The following PTPRZ1 variants were observed in gnomAD, a reference collection of about 807,000 sequenced individuals.
The protein encoded by PTPRZ1 is protein tyrosine phosphatase receptor type Z1.
PTPRZ1 carries 82 observed loss-of-function variants against 214.1 expected under a neutral mutation model. The ratio of observed to expected loss-of-function variants is 0.38; its 90% CI spans 0.32 to 0.46. The LOEUF is 0.46. Among genes scored for constraint, PTPRZ1 ranks in the 20% least tolerant of loss-of-function variants. The pLI is 1.00. For missense variants in PTPRZ1, 2,603 were observed against 2,748.7 expected, an observed-to-expected ratio of 0.95 and a Z score of 1.19; for synonymous variants, 945 against 987.9, an observed-to-expected ratio of 0.96 and a Z score of 0.81.
chr7:121,946,988 CAT>C (rs920477680), intron 2 of PTPRZ1, among the ~76,000 whole-genome samples: 7 of 152,056 alleles, frequency 4.6e-5, no homozygotes, highest in South Asian at 2.1e-4. Context: ...GTAAAGGCAA[CAT>C]GTGTTACTGA....
chr7:122,013,995 C>A (rs961735841), intron 12 of PTPRZ1, 106 bp downstream of exon 12: 1 of 944,794 alleles, frequency 1.1e-6, no homozygotes, highest in Non-Finnish European at 1.5e-6. Flanking sequence ...GGTACATCAT[C>A]ATTTTTAAAA....
intron 2 of PTPRZ1, among the ~76,000 whole-genome samples, chr7:121,958,617 C>T (rs1164009574): frequency 1.3e-5 from 2 of 152,150 alleles, no homozygotes; most frequent in Non-Finnish European, 2.9e-5. Flanking sequence ...GTTTAATGAA[C>T]TTCCATTGAA....
chr7:122,057,947 AGTGTGT>A (rs553724896), intron 27 of PTPRZ1, among the ~76,000 whole-genome samples: 4 of 146,670 alleles, frequency 2.7e-5, no homozygotes, highest in Non-Finnish European at 6.0e-5. Context: ...TCATTCATAT[AGTGTGT>A]GTGTGTGTGT....
intron 2 of PTPRZ1, among the ~76,000 whole-genome samples, chr7:121,948,079 G>A (rs1046910509): frequency 2.6e-5 from 4 of 152,096 alleles, no homozygotes; most frequent in Non-Finnish European, 5.9e-5. Context: ...ACAGGCATGA[G>A]AGCTAAGGGA....
Position 122,036,633 on chromosome 7 carries a change from C to T in PTPRZ1, c.5318C>T (p.Ala1773Val). The change falls in exon 18 of 30, where the codon GCT becomes GTT. Residue 1773 changes from alanine to valine, a missense_variant. Around this residue, in one of 6 missense-constraint regions of PTPRZ1, gnomAD observed 1,913 missense variants for 1,914.3 expected, o/e 1.00. Coordinates refer to ENST00000393386, the MANE Select transcript of PTPRZ1 (RefSeq NM_002851.3). The stretch of plus-strand genomic sequence containing the variant: ...AGCAGGGTTAAGCTAGCACAGCTTG[C>T]TGAAAAGGATGGCAAACTGACTGAT... ...DHSRVKLAQL[A>V]EKDGKLTDYI... The T allele has an allele frequency of 6.2e-7, 1 of 1,609,260 alleles. No homozygotes were observed. The highest frequency in any genetic ancestry group is 1.1e-5 in the South Asian group (1 of 90,968).
rs1387830551 is a variant in PTPRZ1, at chr7:121,921,545, TTTAAAC to T, written c.59-6607_59-6602del. 7.2e-5 allele frequency among the ~76,000 whole-genome samples: 11 copies of T among 152,336 alleles called. No individual in the cohort carries two copies. The East Asian group carries it at 1.9e-3, about 27-fold the overall frequency. On this transcript the variant is annotated intron_variant, in intron 1 of 29. Transcript: ENST00000393386. ...GCCTCAGGCATCTACTTTTTATCTC[TTTAAAC>T]TTATTCTTAAATAAAGAGGTTACCT...
chr7:122,049,110 C>T (rs1792093470), intron 23 of PTPRZ1, among the ~76,000 whole-genome samples: 1 of 151,764 alleles, frequency 6.6e-6, no homozygotes, highest in African/African-American at 2.4e-5. Flanking sequence ...TCAATTAATA[C>T]AGGAAAAGTA....
chr7:121,995,968 T>C (rs1488250038), intron 8 of PTPRZ1, among the ~76,000 whole-genome samples: 2 of 152,196 alleles, frequency 1.3e-5, no homozygotes, highest in African/African-American at 2.4e-5. Context: ...TTCTAGGCAA[T>C]ATAGAACTAC....
chr7:121,943,942 G>A (rs1796303364), intron 2 of PTPRZ1, among the ~76,000 whole-genome samples: 1 of 152,154 alleles, frequency 6.6e-6, no homozygotes. Context: ...ATTTATTTGT[G>A]TAAAAGTGCT....
chr7:121,969,650 G>A (rs1403415845), intron 3 of PTPRZ1, among the ~76,000 whole-genome samples: 1 of 151,092 alleles, frequency 6.6e-6, no homozygotes, highest in South Asian at 2.1e-4. Context: ...TTTCTTGAAT[G>A]AATAATTTTT....
chr7:121,875,436 C>T (rs1794024675), intron 1 of PTPRZ1, among the ~76,000 whole-genome samples: 1 of 152,144 alleles, frequency 6.6e-6, no homozygotes, highest in Non-Finnish European at 1.5e-5. Flanking sequence ...CTAAATATAT[C>T]ACATTTGCAA....
chr7:121,922,439 C>T (rs542750889), intron 1 of PTPRZ1, among the ~76,000 whole-genome samples: 1 of 152,070 alleles, frequency 6.6e-6, no homozygotes. Flanking sequence ...TGCCTGTAAT[C>T]CCAGCTACTC....
chr7:121,987,806 T>A (rs1233057483), intron 8 of PTPRZ1, among the ~76,000 whole-genome samples: 1 of 152,172 alleles, frequency 6.6e-6, no homozygotes, highest in South Asian at 2.1e-4. Flanking sequence ...ATTAAAAAAA[T>A]GTAGTACATA....
At position 121,928,384 on chromosome 7, in the gene PTPRZ1, A is replaced by G. The variant is rs1795826903; in HGVS notation, c.124+163A>G. Among the ~76,000 whole-genome samples, 5 of 152,312 alleles carry G rather than the reference A, an allele frequency of 3.3e-5. No individual in the cohort carries two copies. The South Asian group carries it at 1.0e-3, about 32-fold the overall frequency. On this transcript the variant is annotated intron_variant, in intron 2 of 29. Transcript: ENST00000393386. ...TATATAAAATATAAAACGATATCTTATGGGCTTTCCATAAACAAATTTGGT... is the reference window on the plus strand; with the variant it reads ...TATATAAAATATAAAACGATATCTTGTGGGCTTTCCATAAACAAATTTGGT...
intron 11 of PTPRZ1, among the ~76,000 whole-genome samples, chr7:122,008,190 T>A (rs1303006764): frequency 6.6e-6 from 1 of 152,016 alleles, no homozygotes; most frequent in East Asian, 1.9e-4. Flanking sequence ...GAGAAAGAAA[T>A]GTAATATTAT....
At position 121,996,470 on chromosome 7, in the gene PTPRZ1, T is replaced by C; in HGVS notation, c.1017T>C (p.Tyr339=). 6.2e-7 allele frequency: 1 copy of C among 1,613,266 alleles called. No homozygotes were observed. Among genetic ancestry groups the C allele is most frequent in the Non-Finnish European group, 8.5e-7 (1 of 1,179,418 alleles). Reference sequence around the variant, plus strand: ...CATGGGAAAGACCTCGAGTCGTTTATGATACCATGATTGAGAAGTTTGCAG... The same window carrying C: ...CATGGGAAAGACCTCGAGTCGTTTACGATACCATGATTGAGAAGTTTGCAG... ...LVTWERPRVV[Y]DTMIEKFAVL... The change falls in exon 9 of 30, where the codon TAT becomes TAC. Residue 339 remains tyrosine, a synonymous_variant. Coordinates refer to ENST00000393386, the MANE Select transcript of PTPRZ1 (RefSeq NM_002851.3).
Position 122,004,594 on chromosome 7 carries a change from T to A in PTPRZ1, c.1241-20T>A. On this transcript the variant is annotated intron_variant, in intron 10 of 29. Transcript: ENST00000393386. The stretch of plus-strand genomic sequence containing the variant: ...AATAGTTGAATAAAAACTTTAATAA[T>A]TTTGTTTTTAATTTTGTAGAACTTG... 1 of 1,260,642 alleles carries A rather than the reference T, an allele frequency of 7.9e-7. No individual in the cohort carries two copies. Among genetic ancestry groups the A allele is most frequent in the Non-Finnish European group, 1.1e-6 (1 of 897,482 alleles). The allele number at this position is 1,260,642 out of a possible 1,614,324, so 78.1% of individuals were successfully genotyped here.
chr7:121,935,372 G>C (rs1476096699), intron 2 of PTPRZ1, among the ~76,000 whole-genome samples: 1 of 152,152 alleles, frequency 6.6e-6, no homozygotes, highest in Non-Finnish European at 1.5e-5. Flanking sequence ...AGTCCTAGCA[G>C]CTCAGAATGA....
At chr7:121,956,635 C>T (rs1307402124) in intron 2 of PTPRZ1, among the ~76,000 whole-genome samples, 2 of 152,200 alleles carry the variant, frequency 1.3e-5, no homozygotes, top group Non-Finnish European at 2.9e-5. Context: ...GTCCAGATTG[C>T]CTGATGCATT....
Sources: allele counts gnomAD v4.1 joint callset (sites outside exome capture counted in the v4.1 genomes callset), GRCh38; gene constraint gnomAD v4.1.1; regional missense constraint gnomAD v4.1.1; transcripts MANE v1.5; gene names NCBI Gene and HGNC (gene_info 2026-07-23, HGNC 2026-07-21).